LOC128092252: variants seen among roughly 807,000 people sequenced by gnomAD.
At chr15:50,648,993 TTTTATATAAGTATA>T in the LOC128092252 span, 1 of 738,978 alleles carries the variant, frequency 1.4e-6, no homozygotes, top group Non-Finnish European at 2.0e-6. Context: ...AATTTTTATA[TTTTATATAAGTATA>T]AAAATAAGCT....
the LOC128092252 span, among the ~76,000 whole-genome samples, chr15:50,670,794 G>GT: frequency 8.0e-6 from 1 of 124,986 alleles, no homozygotes; most frequent in African/African-American, 3.0e-5. Flanking sequence ...TCACTTTACT[G>GT]TAAAAAAAAG....
chr15:50,679,536 A>AT, the LOC128092252 span, among the ~76,000 whole-genome samples: 244 of 48,904 alleles, frequency 5.0e-3, 5 homozygotes, highest in African/African-American at 0.022. Context: ...ATATATATAT[A>AT]TATTTTTTTT....
chr15:50,680,478 A>T, the LOC128092252 span, among the ~76,000 whole-genome samples: 1 of 151,938 alleles, frequency 6.6e-6, no homozygotes, highest in Non-Finnish European at 1.5e-5. Flanking sequence ...CTGCAGCAGG[A>T]GAATGGCTTG....
the LOC128092252 span, among the ~76,000 whole-genome samples, chr15:50,684,679 G>C: frequency 6.6e-6 from 1 of 152,048 alleles, no homozygotes; most frequent in East Asian, 1.9e-4. Context: ...AGAGGAGAAA[G>C]AAACATGTTA....
the LOC128092252 span, among the ~76,000 whole-genome samples, chr15:50,652,656 GTT>G: frequency 0.54 from 81,488 of 151,418 alleles, 22,102 homozygotes; most frequent in Admixed American, 0.62. Flanking sequence ...CAAAAAAATC[GTT>G]TAAGTGGGTA....
the LOC128092252 span, among the ~76,000 whole-genome samples, chr15:50,670,952 T>C: frequency 1.1e-4 from 17 of 152,256 alleles, no homozygotes; most frequent in African/African-American, 3.4e-4. Flanking sequence ...TGGGGGCAGA[T>C]TGCTGGAGCT....
the LOC128092252 span, among the ~76,000 whole-genome samples, chr15:50,656,865 A>C: frequency 6.6e-6 from 1 of 152,000 alleles, no homozygotes; most frequent in African/African-American, 2.4e-5. Context: ...CATTCACCAA[A>C]TCCTATTGCA....
chr15:50,676,075 A>T, the LOC128092252 span, among the ~76,000 whole-genome samples: 1 of 152,212 alleles, frequency 6.6e-6, no homozygotes, highest in Non-Finnish European at 1.5e-5. Flanking sequence ...CACATAGTCA[A>T]ATTTCAACTA....
At chr15:50,675,502 T>A in the LOC128092252 span, among the ~76,000 whole-genome samples, 24 of 152,264 alleles carry the variant, frequency 1.6e-4, no homozygotes, top group Non-Finnish European at 2.4e-4. Flanking sequence ...CCTTCACTTG[T>A]TACACAGGAA....
At chr15:50,685,223 G>C in the LOC128092252 span, among the ~76,000 whole-genome samples, 1 of 152,244 alleles carries the variant, frequency 6.6e-6, no homozygotes, top group South Asian at 2.1e-4. Context: ...AGGACTTTGG[G>C]GGGCTGAGGC....
chr15:50,662,830 A>G, the LOC128092252 span: 5 of 710,466 alleles, frequency 7.0e-6, no homozygotes, highest in East Asian at 5.6e-5. Flanking sequence ...CCCAAATTAA[A>G]TGATTAACAG....
At chr15:50,650,342 C>T in the LOC128092252 span, among the ~76,000 whole-genome samples, 1 of 151,562 alleles carries the variant, frequency 6.6e-6, no homozygotes, top group Non-Finnish European at 1.5e-5. Flanking sequence ...GATCTCATAA[C>T]ACACAAGGCT....
chr15:50,663,051 A>T, the LOC128092252 span: 1 of 1,608,562 alleles, frequency 6.2e-7, no homozygotes, highest in Non-Finnish European at 8.5e-7. Context: ...CTGGGACTAA[A>T]ACAAAATGTT....
chr15:50,668,439 C>T, the LOC128092252 span, among the ~76,000 whole-genome samples: 1 of 152,244 alleles, frequency 6.6e-6, no homozygotes, highest in South Asian at 2.1e-4. Flanking sequence ...ATATTTGTTT[C>T]TCTCTACCCC....
the LOC128092252 span, among the ~76,000 whole-genome samples, chr15:50,678,995 T>G: frequency 5.7e-4 from 87 of 152,290 alleles, no homozygotes; most frequent in African/African-American, 1.9e-3. Context: ...TGCCTCAGCC[T>G]CCCGAGTAGC....
the LOC128092252 span, among the ~76,000 whole-genome samples, chr15:50,665,318 C>T: frequency 1.3e-5 from 2 of 151,382 alleles, no homozygotes; most frequent in Admixed American, 6.6e-5. Flanking sequence ...TGCTTGAACC[C>T]GGGAGGCAGA....
the LOC128092252 span, among the ~76,000 whole-genome samples, chr15:50,665,911 T>C: frequency 3.3e-5 from 5 of 152,202 alleles, no homozygotes; most frequent in African/African-American, 9.6e-5. Context: ...GAGAACTGCT[T>C]GAACGTGGAA....
the LOC128092252 span, among the ~76,000 whole-genome samples, chr15:50,681,734 G>A: frequency 6.6e-5 from 10 of 152,320 alleles, no homozygotes; most frequent in African/African-American, 1.9e-4. Context: ...CCAGAAGTCT[G>A]GCAGCTGGAT....
At chr15:50,683,946 C>G in the LOC128092252 span, among the ~76,000 whole-genome samples, 3,240 of 152,006 alleles carry the variant, frequency 0.021, 60 homozygotes, top group Non-Finnish European at 0.029. Context: ...CTGCAACCTC[C>G]GCCTCCAAGT....
Sources: gnomAD v4.1 joint callset for allele counts (sites outside exome capture counted in the v4.1 genomes callset) on GRCh38, gnomAD v4.1.1 for gene constraint, MANE v1.5 for transcripts.